CHCHD3: variants seen among roughly 807,000 people sequenced by gnomAD.
CHCHD3 encodes coiled-coil-helix-coiled-coil-helix domain containing 3, also known as MICOS complex subunit MIC19.
CHCHD3 carries 20 observed loss-of-function variants against 38.2 expected under a neutral mutation model. The ratio of observed to expected loss-of-function variants is 0.52; its 90% CI spans 0.37 to 0.76. The LOEUF is 0.76. Ranked by LOEUF, CHCHD3 falls within the 30% of genes least tolerant of loss-of-function variation. CHCHD3 has a pLI of 0.00. For synonymous variants in CHCHD3, 82 were observed against 100.0 expected (o/e 0.82, Z 1.07); for missense variants, 245 against 279.2 (o/e 0.88, Z 0.87).
At chr7:132,846,159 C>T (rs955957381) in intron 5 of CHCHD3, among the ~76,000 whole-genome samples, 4 of 152,296 alleles carry the variant, frequency 2.6e-5, no homozygotes, top group African/African-American at 9.6e-5. Context: ...TTTACTTCCC[C>T]ATCCCTTCAG....
intron 4 of CHCHD3, among the ~76,000 whole-genome samples, chr7:132,939,455 T>C (rs1376670669): frequency 2.0e-5 from 3 of 152,190 alleles, no homozygotes; most frequent in South Asian, 2.1e-4. Flanking sequence ...TGTGTTATAA[T>C]TGTATTAAGT....
chr7:132,860,592 T>C (rs1334396579), intron 5 of CHCHD3, among the ~76,000 whole-genome samples: 1 of 152,100 alleles, frequency 6.6e-6, no homozygotes, highest in Non-Finnish European at 1.5e-5. Flanking sequence ...TGGAAAAGCA[T>C]GGACGGTTTT....
intron 2 of CHCHD3, among the ~76,000 whole-genome samples, chr7:133,060,620 A>G (rs187975865): frequency 1.3e-5 from 2 of 152,172 alleles, no homozygotes; most frequent in Non-Finnish European, 2.9e-5. Flanking sequence ...TCAAAAACCC[A>G]AAAGGAGGCC....
chr7:132,864,397 C>T (rs569271634), intron 5 of CHCHD3, among the ~76,000 whole-genome samples: 1 of 152,060 alleles, frequency 6.6e-6, no homozygotes, highest in African/African-American at 2.4e-5. Flanking sequence ...TCTGTGGTGT[C>T]CCAAAACAAT....
rs1169632359 is a variant in CHCHD3 at position 133,082,011 on chromosome 7, C to G, written c.-74G>C. On this transcript the variant is annotated 5_prime_UTR_variant, in exon 1 of 8. Coordinates refer to ENST00000262570, the MANE Select transcript of CHCHD3 (RefSeq NM_017812.4). ...TTCGGGGCCCCCGCACCCACACGCG[C>G]GTGGAAGGGCCTGGATTCTTTTCCC... 3 of 1,319,296 alleles carry G rather than the reference C, an allele frequency of 2.3e-6. No individual in the cohort carries two copies. Among genetic ancestry groups the G allele is most frequent in the African/African-American group, 1.5e-5 (1 of 66,852 alleles). The allele number at this position is 1,319,296 out of a possible 1,614,324, so 81.7% of individuals were successfully genotyped here.
At chr7:133,040,105 G>T (rs565262268) in intron 2 of CHCHD3, among the ~76,000 whole-genome samples, 1 of 152,258 alleles carries the variant, frequency 6.6e-6, no homozygotes, top group South Asian at 2.1e-4. Context: ...TCTACCCTTT[G>T]TCAGACCTAG....
chr7:132,938,650 C>A (rs1259008054), intron 4 of CHCHD3, among the ~76,000 whole-genome samples: 1 of 152,100 alleles, frequency 6.6e-6, no homozygotes, highest in Admixed American at 6.6e-5. Context: ...AATTGGAATG[C>A]AAGAAAGCTA....
intron 2 of CHCHD3, among the ~76,000 whole-genome samples, chr7:133,039,654 G>A (rs144810443): frequency 1.7e-3 from 264 of 152,330 alleles, no homozygotes; most frequent in Middle Eastern, 6.8e-3. Context: ...GGAAGCCAAG[G>A]AAAATTATAA....
In CHCHD3 at chr7:132,838,431, C is replaced by T; in HGVS notation, c.492G>A (p.Gln164=). Residue 164 remains glutamine, a synonymous_variant, in exon 6 of 8, where the codon CAG becomes CAA. Coordinates refer to ENST00000262570, the MANE Select transcript of CHCHD3 (RefSeq NM_017812.4). ...EFYRVTTEQY[Q]KAAEEVEAKF... ...TTGCTTCCACCTCTTCAGCAGCTTT[C>T]TGATATTGTTCAGTGGTGACTCTGT... is the stretch of plus-strand genomic sequence containing the variant. 1 of 1,612,954 alleles carries T rather than the reference C, an allele frequency of 6.2e-7. No individual in the cohort carries two copies. The highest frequency in any genetic ancestry group is 8.5e-7 in the Non-Finnish European group (1 of 1,179,330).
At position 132,985,076 on chromosome 7, in the gene CHCHD3, G is replaced by C. The variant is rs1475562124; in HGVS notation, c.252-9790C>G. On this transcript the variant is annotated intron_variant, in intron 3 of 7. Transcript: ENST00000262570. ...CCGCCCCGTCCGGAAGGGAGGTGGG[G>C]GGGTTAGCCCCCCGTCCGGCCAGCC... 2.0e-5 allele frequency among the ~76,000 whole-genome samples: 2 copies of C among 100,478 alleles called. 1 individual carries two copies. The highest frequency in any genetic ancestry group is 7.3e-5 in the African/African-American group (2 of 27,342). 65.9% of individuals were successfully genotyped at this position (100,478 alleles called of 152,430 possible). A position where few individuals can be genotyped will look rare whatever the true frequency, so the allele number is the denominator to read the frequency against.
chr7:132,821,179 T>G (rs529693993), intron 6 of CHCHD3, among the ~76,000 whole-genome samples: 1 of 152,262 alleles, frequency 6.6e-6, no homozygotes, highest in East Asian at 1.9e-4. Flanking sequence ...AACACAAAAT[T>G]CACCCAACAG....
In CHCHD3 at chr7:132,855,259, G is replaced by A. The variant is rs144420240; in HGVS notation, c.454-16790C>T. Among the ~76,000 whole-genome samples, 833 of 152,218 alleles carry A rather than the reference G, an allele frequency of 5.5e-3. 8 individuals carry two copies. The highest frequency in any genetic ancestry group is 0.019 in the African/African-American group (772 of 41,530). Reference sequence around the variant, plus strand: ...AGTCATGCCTTTTGTTGACCATGGAGGGTTTATATTTATTTCTTAACCAAA... The same window carrying A: ...AGTCATGCCTTTTGTTGACCATGGAAGGTTTATATTTATTTCTTAACCAAA... On this transcript the variant is annotated intron_variant, in intron 5 of 7. Transcript: ENST00000262570.
intron 4 of CHCHD3, among the ~76,000 whole-genome samples, chr7:132,901,830 T>C (rs1291007691): frequency 5.9e-5 from 9 of 152,226 alleles, no homozygotes; most frequent in African/African-American, 2.2e-4. Flanking sequence ...TTAGATCCGA[T>C]TTGTCAATTT....
intron 6 of CHCHD3, among the ~76,000 whole-genome samples, chr7:132,837,499 C>A (rs1807815959): frequency 6.6e-6 from 1 of 152,140 alleles, no homozygotes; most frequent in South Asian, 2.1e-4. Context: ...CCTCAAACTA[C>A]CTTTAATTTT....
chr7:133,081,993 C>A lies in CHCHD3; in HGVS notation c.-56G>T, dbSNP rs1431215058. On this transcript the variant is annotated 5_prime_UTR_variant, in exon 1 of 8. Coordinates refer to ENST00000262570, the MANE Select transcript of CHCHD3 (RefSeq NM_017812.4). The stretch of plus-strand genomic sequence containing the variant: ...GCGGGGAACCACGAGCACTTCGGGG[C>A]CCCCGCACCCACACGCGCGTGGAAG... 2.1e-6 allele frequency: 3 copies of A among 1,425,404 alleles called. No individual in the cohort carries two copies. The highest frequency in any genetic ancestry group is 1.4e-5 in the African/African-American group (1 of 69,232). The allele number at this position is 1,425,404 out of a possible 1,614,324, so 88.3% of individuals were successfully genotyped here.
intron 4 of CHCHD3, among the ~76,000 whole-genome samples, chr7:132,940,814 G>A (rs1810747527): frequency 6.6e-6 from 1 of 152,140 alleles, no homozygotes; most frequent in Admixed American, 6.5e-5. Context: ...GCATCAGGTG[G>A]AAAGTACATG....
chr7:132,971,940 C>T (rs1041392811), intron 4 of CHCHD3, among the ~76,000 whole-genome samples: 6 of 148,622 alleles, frequency 4.0e-5, no homozygotes, highest in Non-Finnish European at 7.4e-5. Flanking sequence ...TCTGAAGATG[C>T]CCACCTCTCC....
chr7:132,922,826 C>CAG (rs151299493), intron 4 of CHCHD3, among the ~76,000 whole-genome samples: 13,644 of 152,114 alleles, frequency 0.09, 1,248 homozygotes, highest in East Asian at 0.31. Flanking sequence ...GGCAACCTAC[C>CAG]AGCAAAGCAA....
chr7:132,836,926 A>C (rs1338832944), intron 6 of CHCHD3, among the ~76,000 whole-genome samples: 6 of 152,320 alleles, frequency 3.9e-5, no homozygotes, highest in African/African-American at 1.4e-4. Context: ...ACCAAACTTC[A>C]CAGCCCAGCA....
Sources: allele counts gnomAD v4.1 joint callset (sites outside exome capture counted in the v4.1 genomes callset), GRCh38; gene constraint gnomAD v4.1.1; transcripts MANE v1.5; gene names NCBI Gene and HGNC (gene_info 2026-07-23, HGNC 2026-07-21).